VAMP7: variants seen among roughly 807,000 people sequenced by gnomAD.
VAMP7 encodes vesicle associated membrane protein 7, also known as vesicle-associated membrane protein 7.
VAMP7 carries 14 observed loss-of-function variants against 29.6 expected under a neutral mutation model. The observed-to-expected ratio is 0.47, with a 90% CI of 0.31 to 0.74. VAMP7 has a LOEUF of 0.74. Ranked by LOEUF, VAMP7 falls within the 30% of genes least tolerant of loss-of-function variation. The probability of loss-of-function intolerance (pLI) is 0.05; values close to 1 mark genes in which losing one functional copy is unlikely to be tolerated. For synonymous variants in VAMP7, 95 were observed against 88.1 expected (o/e 1.08, Z -0.44); for missense variants, 223 against 262.4 (o/e 0.85, Z 1.04).
chrX:155,895,107 C>G (rs1194222449), intron 2 of VAMP7, among the ~76,000 whole-genome samples: 1 of 152,162 alleles, frequency 6.6e-6, no homozygotes. Context: ...CCATGCTGCA[C>G]TGTAATTCCT....
intron 6 of VAMP7, among the ~76,000 whole-genome samples, chrX:155,934,808 C>A (rs1267350053): frequency 6.6e-6 from 1 of 152,146 alleles, no homozygotes; most frequent in African/African-American, 2.4e-5. Flanking sequence ...ATGGTCTTTA[C>A]AATTTGGCAT....
At chrX:155,887,211 T>C (rs1332098895) in intron 1 of VAMP7, among the ~76,000 whole-genome samples, 5 of 152,178 alleles carry the variant, frequency 3.3e-5, no homozygotes, top group Non-Finnish European at 5.9e-5. Context: ...GGTTGTGCTT[T>C]GGGTTTTATC....
intron 5 of VAMP7, among the ~76,000 whole-genome samples, chrX:155,912,928 A>G (rs188655153): frequency 1.7e-3 from 258 of 152,306 alleles, no homozygotes; most frequent in East Asian, 7.7e-4. Context: ...TCCTTGAGGA[A>G]TCGCCACACT....
At chrX:155,919,765 A>G (rs1412410330) in intron 5 of VAMP7, 48 bp from the exon 6 acceptor site, 1 of 1,526,652 alleles carries the variant, frequency 6.6e-7, no homozygotes, top group South Asian at 1.1e-5. Context: ...AGTTTATTTT[A>G]TTCTACAATG....
In VAMP7 at chrX:155,889,529, T is replaced by G; in HGVS notation, c.63T>G (p.Cys21Trp). 1 of 1,613,958 alleles carries G rather than the reference T, an allele frequency of 6.2e-7. No homozygotes were observed. Among genetic ancestry groups the G allele is most frequent in the Non-Finnish European group, 8.5e-7 (1 of 1,179,860 alleles). ...CTATCCTTGCCAAACATGCTTGGTG[T>G]GGAGGAAACTTCCTGGAGGTGACAG... ...GTTILAKHAW[C>W]GGNFLEVTEQ... Residue 21 changes from cysteine (C) to tryptophan (W), a missense_variant, in exon 2 of 8, where the codon TGT becomes TGG. Transcript: ENST00000286448.
intron 6 of VAMP7, among the ~76,000 whole-genome samples, chrX:155,930,551 G>A (rs1377178357): frequency 6.6e-6 from 1 of 151,190 alleles, no homozygotes; most frequent in African/African-American, 2.4e-5. Flanking sequence ...TTGGGGGGCT[G>A]AAGATGGAGA....
chrX:155,881,821 CCTT>C (rs2065805676), intron 1 of VAMP7, among the ~76,000 whole-genome samples: 1 of 152,132 alleles, frequency 6.6e-6, no homozygotes, highest in Admixed American at 6.5e-5. Context: ...TTCTGCTTCA[CCTT>C]CTACTTCTGG....
rs145747629 is a variant in VAMP7 at position 155,930,443 on chromosome X, G to C, written c.502-9258G>C. ...AGATCTCTAAAATCCAGAAGTTCAA[G>C]ACCAGCCTAGGCAACAAAGTGAGAC... is the stretch of plus-strand genomic sequence containing the variant. On this transcript the variant is annotated intron_variant, in intron 6 of 7. Coordinates refer to ENST00000286448, the MANE Select transcript of VAMP7 (RefSeq NM_005638.6). Among the ~76,000 whole-genome samples, 636 of 150,478 alleles carry C rather than the reference G, an allele frequency of 4.2e-3. 5 individuals are homozygous for C. The highest frequency in any genetic ancestry group is 0.017 in the East Asian group (85 of 5,114).
chrX:155,936,287 GC>G (rs2066654179), intron 6 of VAMP7, among the ~76,000 whole-genome samples: 1 of 152,128 alleles, frequency 6.6e-6, no homozygotes, highest in African/African-American at 2.4e-5. Context: ...GCTATGCCCT[GC>G]CCCCAGAGGT....
intron 1 of VAMP7, among the ~76,000 whole-genome samples, chrX:155,883,904 G>A (rs1186021748): frequency 2.0e-5 from 3 of 151,144 alleles, no homozygotes; most frequent in Admixed American, 6.6e-5. Context: ...TAGTAGAGAC[G>A]GGATTTCACC....
At chrX:155,940,356 C>T (rs1054264887) in intron 7 of VAMP7, among the ~76,000 whole-genome samples, 66 of 152,166 alleles carry the variant, frequency 4.3e-4, no homozygotes, top group Non-Finnish European at 2.6e-4. Flanking sequence ...AAGCAGATAA[C>T]TCTGACCCTG....
chrX:155,923,282 G>A (rs1196516023), intron 6 of VAMP7, among the ~76,000 whole-genome samples: 3 of 151,778 alleles, frequency 2.0e-5, no homozygotes, highest in East Asian at 1.9e-4. Context: ...TTTTGTGTAG[G>A]CCGAGTTTCT....
intron 5 of VAMP7, among the ~76,000 whole-genome samples, chrX:155,909,361 T>C (rs1441902905): frequency 6.6e-6 from 1 of 152,210 alleles, no homozygotes; most frequent in Non-Finnish European, 1.5e-5. Flanking sequence ...ATGTAAGTTT[T>C]TTCTGTTTTA....
chrX:155,912,604 C>T (rs1306436677), intron 5 of VAMP7, among the ~76,000 whole-genome samples: 1 of 151,638 alleles, frequency 6.6e-6, no homozygotes, highest in Non-Finnish European at 1.5e-5. Context: ...AGTGAGAACA[C>T]GTGGTGTTTG....
At chrX:155,916,554 G>A (rs1181612803) in intron 5 of VAMP7, among the ~76,000 whole-genome samples, 1 of 152,118 alleles carries the variant, frequency 6.6e-6, no homozygotes, top group African/African-American at 2.4e-5. Context: ...AGGCCTGGTG[G>A]TGACAAAATC....
intron 6 of VAMP7, among the ~76,000 whole-genome samples, chrX:155,937,414 T>G (rs1218617408): frequency 6.6e-6 from 1 of 152,218 alleles, no homozygotes; most frequent in Non-Finnish European, 1.5e-5. Flanking sequence ...TCTTAAGCAT[T>G]CTCACCACAT....
At chrX:155,893,046 C>A (rs961656909) in intron 2 of VAMP7, among the ~76,000 whole-genome samples, 17 of 152,240 alleles carry the variant, frequency 1.1e-4, no homozygotes, top group South Asian at 4.2e-4. Context: ...AGCCACCGTG[C>A]CTGGCCTCAG....
At chrX:155,928,813 A>T (rs2066507688) in intron 6 of VAMP7, among the ~76,000 whole-genome samples, 1 of 152,220 alleles carries the variant, frequency 6.6e-6, no homozygotes, top group East Asian at 1.9e-4. Flanking sequence ...CAGTGTTCAG[A>T]TGTTGACCTG....
chrX:155,909,713 G>A lies in VAMP7; in HGVS notation c.433+9126G>A, dbSNP rs761567001. On this transcript the variant is annotated intron_variant, in intron 5 of 7. Transcript: ENST00000286448. ...AAGATCACGGTGCCAGTATGGTCAG[G>A]TTCTGGTAAGGGCTCTCTTCCTGGC... is the stretch of plus-strand genomic sequence containing the variant. Among the ~76,000 whole-genome samples, 93 of 152,274 alleles carry A rather than the reference G, an allele frequency of 6.1e-4. 1 individual carries two copies. The highest frequency in any genetic ancestry group is 2.2e-3 in the African/African-American group (90 of 41,566).
Sources: gnomAD v4.1 joint callset for allele counts (sites outside exome capture counted in the v4.1 genomes callset) on GRCh38, gnomAD v4.1.1 for gene constraint, MANE v1.5 for transcripts, NCBI Gene and HGNC (gene_info 2026-07-23, HGNC 2026-07-21) for gene names.